C12orf42: variants seen among roughly 807,000 people sequenced by gnomAD.
The protein encoded by C12orf42 is chromosome 12 open reading frame 42, also known as uncharacterized protein C12orf42.
Under a neutral mutation model 21.6 loss-of-function variants are expected in C12orf42, and 25 were observed. The ratio of observed to expected loss-of-function variants is 1.16; its 90% CI spans 0.84 to 1.62. C12orf42 has a LOEUF of 1.62. C12orf42 is among the 40% of genes most tolerant of loss of function. The pLI, the probability that C12orf42 is intolerant of heterozygous loss-of-function variation, is 0.00. For synonymous variants in C12orf42, 174 were observed against 175.0 expected (o/e 0.99, Z 0.05); for missense variants, 483 against 459.3 (o/e 1.05, Z -0.47).
chr12:103,174,296 A>G, the C12orf42 span, among the ~76,000 whole-genome samples: 6 of 152,238 alleles, frequency 3.9e-5, no homozygotes, highest in African/African-American at 1.2e-4. Flanking sequence ...ACATACATGT[A>G]TATCAGAAGT....
chr12:103,539,607 T>C, the C12orf42 span, among the ~76,000 whole-genome samples: 1 of 151,610 alleles, frequency 6.6e-6, no homozygotes, highest in East Asian at 1.9e-4. Flanking sequence ...TGAGATGGAG[T>C]CTCACTCTGT....
At chr12:103,340,960 A>G (rs1593509591) in intron 4 of C12orf42, among the ~76,000 whole-genome samples, 1 of 152,004 alleles carries the variant, frequency 6.6e-6, no homozygotes, top group Non-Finnish European at 1.5e-5. Context: ...AAAAATACAA[A>G]AAATTAGCCA....
the C12orf42 span, among the ~76,000 whole-genome samples, chr12:103,139,033 G>T: frequency 6.6e-6 from 1 of 152,102 alleles, no homozygotes; most frequent in Non-Finnish European, 1.5e-5. Context: ...CAGTGCCCTT[G>T]TCTTGTGTTT....
chr12:103,458,705 G>T (rs1369419645), intron 2 of C12orf42, among the ~76,000 whole-genome samples: 1 of 152,106 alleles, frequency 6.6e-6, no homozygotes, highest in Non-Finnish European at 1.5e-5. Context: ...CCAGTTTCTT[G>T]GATGGACCAC....
At chr12:103,227,264 T>G in the C12orf42 span, among the ~76,000 whole-genome samples, 1 of 151,488 alleles carries the variant, frequency 6.6e-6, no homozygotes, top group Non-Finnish European at 1.5e-5. Context: ...GGCTCAGAGA[T>G]AAGAGGTCGG....
At chr12:103,120,230 A>G in the C12orf42 span, among the ~76,000 whole-genome samples, 1 of 152,214 alleles carries the variant, frequency 6.6e-6, no homozygotes, top group South Asian at 2.1e-4. Context: ...GCAATGTGTT[A>G]AGTGCAATAA....
chr12:103,359,857 T>C (rs114820782), intron 4 of C12orf42, among the ~76,000 whole-genome samples: 301 of 151,930 alleles, frequency 2.0e-3, no homozygotes, highest in African/African-American at 6.7e-3. Context: ...AGGTGATCGA[T>C]TTTTCTTTGT....
chr12:103,554,635 T>C, the C12orf42 span, among the ~76,000 whole-genome samples: 10 of 152,050 alleles, frequency 6.6e-5, no homozygotes, highest in East Asian at 3.9e-4. Context: ...GGCTTCTGCT[T>C]CTGAAGAGGC....
intron 1 of C12orf42, among the ~76,000 whole-genome samples, chr12:103,491,454 T>A (rs1955179604): frequency 6.6e-6 from 1 of 152,204 alleles, no homozygotes; most frequent in Admixed American, 6.5e-5. Context: ...CAAACACTCC[T>A]TGCCTCAAGA....
chr12:103,372,851 A>G (rs2045380029), intron 3 of C12orf42, among the ~76,000 whole-genome samples: 1 of 152,166 alleles, frequency 6.6e-6, no homozygotes, highest in East Asian at 1.9e-4. Context: ...TCATTGATAC[A>G]TTTTGAATTT....
At chr12:103,471,229 G>T (rs1953576979) in intron 2 of C12orf42, among the ~76,000 whole-genome samples, 1 of 152,080 alleles carries the variant, frequency 6.6e-6, no homozygotes, top group Non-Finnish European at 1.5e-5. Flanking sequence ...TAATATTAAT[G>T]TGTTTCATGG....
intron 2 of C12orf42, among the ~76,000 whole-genome samples, chr12:103,453,740 T>C (rs1015953145): frequency 2.0e-5 from 3 of 152,266 alleles, no homozygotes; most frequent in African/African-American, 7.2e-5. Flanking sequence ...TTGCAATTTT[T>C]TTCCAATATT....
chr12:103,407,205 G>A (rs963172209), intron 2 of C12orf42, among the ~76,000 whole-genome samples: 3 of 152,010 alleles, frequency 2.0e-5, no homozygotes, highest in African/African-American at 7.3e-5. Flanking sequence ...GAGGGGGATA[G>A]GATGAGACAG....
At chr12:103,150,064 T>G in the C12orf42 span, among the ~76,000 whole-genome samples, 13 of 152,312 alleles carry the variant, frequency 8.5e-5, no homozygotes, top group African/African-American at 2.9e-4. Flanking sequence ...AGGAAATTTA[T>G]ATAAGTATAT....
intron 4 of C12orf42, among the ~76,000 whole-genome samples, chr12:103,359,182 A>C (rs1319419197): frequency 6.6e-6 from 1 of 152,014 alleles, no homozygotes; most frequent in East Asian, 1.9e-4. Flanking sequence ...CTCATTCAAT[A>C]ATCTTTTTTT....
chr12:103,070,020 G>T, the C12orf42 span, among the ~76,000 whole-genome samples: 4 of 152,118 alleles, frequency 2.6e-5, no homozygotes, highest in East Asian at 1.9e-4. Flanking sequence ...AACACCTGGG[G>T]TGCTTACTGA....
the C12orf42 span, among the ~76,000 whole-genome samples, chr12:103,143,382 A>G: frequency 6.6e-6 from 1 of 152,204 alleles, no homozygotes. Flanking sequence ...AGGCTCCCTG[A>G]CTGGTAGTTT....
chr12:103,205,166 A>G, the C12orf42 span, among the ~76,000 whole-genome samples: 3 of 152,202 alleles, frequency 2.0e-5, no homozygotes, highest in Non-Finnish European at 4.4e-5. Context: ...TGGGAACAAA[A>G]ACACTATTCG....
chr12:103,474,974 A>G (rs1344856719), intron 2 of C12orf42, among the ~76,000 whole-genome samples: 3 of 152,358 alleles, frequency 2.0e-5, no homozygotes, highest in East Asian at 3.9e-4. Context: ...CCTGGTTAAC[A>G]TAAGTCAAAG....
Sources: gnomAD v4.1 joint callset for allele counts (sites outside exome capture counted in the v4.1 genomes callset) on GRCh38, gnomAD v4.1.1 for gene constraint, MANE v1.5 for transcripts, NCBI Gene and HGNC (gene_info 2026-07-23, HGNC 2026-07-21) for gene names.